Variants in RAD50 observed in about 807,000 individuals in gnomAD.
RAD50 encodes DNA repair protein RAD50.
In RAD50, 132 loss-of-function variants were observed where a neutral mutation model predicts 168.8. The observed-to-expected ratio is 0.78, with a 90% CI of 0.68 to 0.90. The LOEUF is 0.90. RAD50 is among the 40% of genes least tolerant of loss of function. RAD50 has a pLI of 0.00. For missense variants in RAD50, 1,347 were observed against 1,534.4 expected, an observed-to-expected ratio of 0.88 and a Z score of 2.04; for synonymous variants, 525 against 497.4, an observed-to-expected ratio of 1.06 and a Z score of -0.74.
Position 132,603,356 on chromosome 5 carries a change from A to G in RAD50, c.2264A>G (p.Gln755Arg), listed in dbSNP as rs753305114. Residue 755 changes from glutamine to arginine, a missense_variant, in exon 14 of 25, where the codon CAG (glutamine) becomes CGG (arginine). Gln to Arg is a conservative substitution (Grantham distance 43). Around this residue, in one of 3 missense-constraint regions of RAD50, gnomAD observed 635 missense variants for 739.2 expected, o/e 0.86. Coordinates refer to ENST00000378823, the MANE Select transcript of RAD50 (RefSeq NM_005732.4). ...KEIPELRNKLQNVNRDIQRLK... is the reference protein window; with the variant it reads ...KEIPELRNKLRNVNRDIQRLK... Reference sequence around the variant, plus strand: ...ATACCAGAATTAAGAAACAAACTGCAGAATGTCAATAGAGACATACAGCGC... The same window carrying G: ...ATACCAGAATTAAGAAACAAACTGCGGAATGTCAATAGAGACATACAGCGC... The G allele has an allele frequency of 6.2e-7, 1 of 1,613,752 alleles. No individual in the cohort carries two copies. Among genetic ancestry groups the G allele is most frequent in the Non-Finnish European group, 8.5e-7 (1 of 1,179,742 alleles).
At chr5:132,607,767 A>T (rs1348271250) in intron 16 of RAD50, among the ~76,000 whole-genome samples, 1 of 152,188 alleles carries the variant, frequency 6.6e-6, no homozygotes, top group Non-Finnish European at 1.5e-5. Flanking sequence ...TGATTTTCTG[A>T]TAGATCTTTT....
intron 21 of RAD50, among the ~76,000 whole-genome samples, chr5:132,631,922 C>T (rs954964120): frequency 2.0e-5 from 3 of 152,186 alleles, no homozygotes; most frequent in Non-Finnish European, 4.4e-5. Context: ...CACCTATTAC[C>T]GTGGCACCTT....
chr5:132,609,535 A>G (rs1313737849), intron 19 of RAD50, 139 bp downstream of exon 19: 1 of 1,393,112 alleles, frequency 7.2e-7, no homozygotes, highest in Non-Finnish European at 9.6e-7. Context: ...TAATCCCTGC[A>G]CTTTGGAAGG....
intron 5 of RAD50, among the ~76,000 whole-genome samples, chr5:132,580,962 A>G (rs1344638962): frequency 6.6e-5 from 10 of 152,260 alleles, no homozygotes; most frequent in East Asian, 3.9e-4. Flanking sequence ...TAGAAAATAT[A>G]TATATATTTT....
At chr5:132,596,929 GAAGAGGA>G (rs1750801795) in intron 13 of RAD50, among the ~76,000 whole-genome samples, 1 of 152,202 alleles carries the variant, frequency 6.6e-6, no homozygotes, top group Non-Finnish European at 1.5e-5. Context: ...GGTGCAAAGG[GAAGAGGA>G]GTATGACCTA....
intron 13 of RAD50, among the ~76,000 whole-genome samples, chr5:132,600,712 C>G (rs1430153439): frequency 2.0e-5 from 3 of 151,996 alleles, no homozygotes; most frequent in Admixed American, 2.0e-4. Flanking sequence ...CTGTGTGAGC[C>G]TTTTTACACA....
chr5:132,591,669 A>T (rs1372320962), intron 10 of RAD50, among the ~76,000 whole-genome samples: 3 of 152,126 alleles, frequency 2.0e-5, no homozygotes, highest in Non-Finnish European at 1.5e-5. Context: ...TTAAAATTTT[A>T]TATTGTTCGA....
At chr5:132,626,174 A>G (rs548618543) in intron 21 of RAD50, among the ~76,000 whole-genome samples, 1 of 152,282 alleles carries the variant, frequency 6.6e-6, no homozygotes, top group African/African-American at 2.4e-5. Flanking sequence ...GAGAGGAACC[A>G]CATTTTCTTT....
intron 2 of RAD50, among the ~76,000 whole-genome samples, chr5:132,567,425 A>C (rs1168833106): frequency 2.6e-5 from 4 of 152,172 alleles, no homozygotes; most frequent in Non-Finnish European, 5.9e-5. Context: ...TGGCACATGG[A>C]ATTGGAATCC....
rs146076649 is a variant in RAD50, at chr5:132,625,897, T to G, written c.3389+7603T>G. Among the ~76,000 whole-genome samples, 92 of 152,158 alleles carry G rather than the reference T, an allele frequency of 6.0e-4. 1 individual carries two copies. In the South Asian group the frequency reaches 0.017, roughly 29 times the overall value. On this transcript the variant is annotated intron_variant, in intron 21 of 24. Coordinates refer to ENST00000378823, the MANE Select transcript of RAD50 (RefSeq NM_005732.4). ...GCTGAATAGCACTCCATTGTATATA[T>G]GAACAACTTTTTTTTTTTTTTGAGA...
At chr5:132,626,121 C>T (rs1751368406) in intron 21 of RAD50, among the ~76,000 whole-genome samples, 1 of 152,230 alleles carries the variant, frequency 6.6e-6, no homozygotes, top group East Asian at 1.9e-4. Context: ...CCACCCGCCT[C>T]AGCCTCCCAC....
At chr5:132,616,381 C>G (rs1751178939) in intron 20 of RAD50, among the ~76,000 whole-genome samples, 2 of 152,146 alleles carry the variant, frequency 1.3e-5, no homozygotes, top group Non-Finnish European at 2.9e-5. Context: ...CATGCTTAGT[C>G]CCCATACATC....
chr5:132,580,339 A>G (rs1025537365), intron 5 of RAD50, among the ~76,000 whole-genome samples: 2 of 152,288 alleles, frequency 1.3e-5, no homozygotes, highest in Admixed American at 6.5e-5. Context: ...CCTTATTTGT[A>G]TATGAAACTG....
chr5:132,622,234 C>T (rs1367788765), intron 21 of RAD50, among the ~76,000 whole-genome samples: 1 of 151,930 alleles, frequency 6.6e-6, no homozygotes, highest in East Asian at 1.9e-4. Flanking sequence ...GATCTCGGCT[C>T]ACTGCAGCCT....
intron 2 of RAD50, among the ~76,000 whole-genome samples, chr5:132,560,363 A>G (rs940842256): frequency 2.0e-5 from 3 of 152,078 alleles, no homozygotes; most frequent in African/African-American, 4.8e-5. Flanking sequence ...TTTCTACCTT[A>G]GTGTGATTAA....
rs115706334 is a variant in RAD50, at chr5:132,642,214, G to A, written c.3789G>A (p.Gln1263=). Residue 1263 remains glutamine, a synonymous_variant, in exon 25 of 25, where the codon CAG becomes CAA. Transcript: ENST00000378823. The part of the protein sequence containing the change: ...IKSRSQQRNF[Q]LLVITHDEDF... ...GTCGCTCACAGCAGCGTAACTTCCA[G>A]CTTCTGGTAATCACTCATGATGAAG... 7.4e-6 allele frequency: 12 copies of A among 1,614,198 alleles called. No individual in the cohort carries two copies. Among genetic ancestry groups the A allele is most frequent in the Non-Finnish European group, 1.0e-5 (12 of 1,180,028 alleles).
At chr5:132,593,068 T>G in intron 11 of RAD50, 1 of 317,688 alleles carries the variant, frequency 3.1e-6, no homozygotes. Flanking sequence ...ATGTGAACAG[T>G]CTGTCACTGT....
intron 21 of RAD50, among the ~76,000 whole-genome samples, chr5:132,634,896 G>C (rs1366823651): frequency 6.6e-6 from 1 of 151,894 alleles, no homozygotes; most frequent in Admixed American, 6.6e-5. Context: ...AACACTACTT[G>C]GTCATGATAT....
chr5:132,627,104 C>T (rs1751385432), intron 21 of RAD50, among the ~76,000 whole-genome samples: 1 of 152,168 alleles, frequency 6.6e-6, no homozygotes, highest in South Asian at 2.1e-4. Flanking sequence ...TAGTTTTGAA[C>T]TCCTGGCCTC....
Sources: allele counts gnomAD v4.1 joint callset (sites outside exome capture counted in the v4.1 genomes callset), GRCh38; gene constraint gnomAD v4.1.1; regional missense constraint gnomAD v4.1.1; transcripts MANE v1.5; gene names NCBI Gene and HGNC (gene_info 2026-07-23, HGNC 2026-07-21).